Variants in MGAT5 observed in about 807,000 individuals in gnomAD.
MGAT5 encodes alpha-1,6-mannosylglycoprotein 6-beta-N-acetylglucosaminyltransferase A.
Under a neutral mutation model 94.3 loss-of-function variants are expected in MGAT5, and 30 were observed. The observed-to-expected ratio is 0.32, with a 90% CI of 0.24 to 0.43. MGAT5 has a LOEUF of 0.43. MGAT5 is among the 20% of genes least tolerant of loss of function. The probability of loss-of-function intolerance (pLI) is 1.00; values close to 1 mark genes in which losing one functional copy is unlikely to be tolerated. For missense variants in MGAT5, 691 were observed against 905.5 expected, an observed-to-expected ratio of 0.76 and a Z score of 3.04; for synonymous variants, 310 against 322.9, an observed-to-expected ratio of 0.96 and a Z score of 0.43.
chr2:134,154,522 A>G (rs570214430), intron 1 of MGAT5, among the ~76,000 whole-genome samples: 1 of 152,346 alleles, frequency 6.6e-6, no homozygotes, highest in East Asian at 1.9e-4. Context: ...CCGCCCGTCC[A>G]GGTGTCCCCA....
chr2:134,451,385 A>T lies in MGAT5; in HGVS notation c.*2538A>T, dbSNP rs1209075246. ...AGCTGCTCTTGGAGCAAACAAGCCC[A>T]CACTCCAGTTGTTTAGGGCATTATC... On this transcript the variant is annotated 3_prime_UTR_variant, in exon 16 of 16. Transcript: ENST00000281923. 6.6e-6 allele frequency: 1 copy of T among 152,282 alleles called. No individual in the cohort carries two copies. Among genetic ancestry groups the T allele is most frequent in the East Asian group, 1.9e-4 (1 of 5,194 alleles). The allele number at this position is 152,282 out of a possible 1,614,324, so 9.4% of individuals were successfully genotyped here.
At chr2:134,365,794 T>TATC (rs1440700116) in intron 10 of MGAT5, among the ~76,000 whole-genome samples, 2 of 152,130 alleles carry the variant, frequency 1.3e-5, no homozygotes, top group African/African-American at 4.8e-5. Context: ...CCTATAGTCA[T>TATC]ATCAACATAC....
chr2:134,234,821 C>G (rs2105412588), intron 1 of MGAT5, among the ~76,000 whole-genome samples: 1 of 152,330 alleles, frequency 6.6e-6, no homozygotes, highest in East Asian at 1.9e-4. Context: ...GATAAAGTAA[C>G]AGACACCTGT....
intron 14 of MGAT5, among the ~76,000 whole-genome samples, chr2:134,432,259 C>T (rs956176691): frequency 1.3e-5 from 2 of 152,298 alleles, no homozygotes; most frequent in East Asian, 1.9e-4. Flanking sequence ...TGTAAAGACA[C>T]TGTAAATATA....
chr2:134,387,303 T>G (rs1282863062), intron 10 of MGAT5, among the ~76,000 whole-genome samples: 8 of 23,186 alleles, frequency 3.5e-4, no homozygotes, highest in African/African-American at 9.1e-4. Context: ...TTATGTATGA[T>G]ATATATATAT....
At chr2:134,125,560 G>C (rs1413585633) in intron 1 of MGAT5, among the ~76,000 whole-genome samples, 2 of 152,238 alleles carry the variant, frequency 1.3e-5, no homozygotes, top group African/African-American at 2.4e-5. Context: ...GCAGGCAGCA[G>C]TGGCAAAGCT....
chr2:134,259,877 A>G (rs1220657817), intron 1 of MGAT5, among the ~76,000 whole-genome samples: 1 of 152,196 alleles, frequency 6.6e-6, no homozygotes, highest in Non-Finnish European at 1.5e-5. Context: ...TAAGCAAGAG[A>G]AAGTCAGATA....
At chr2:134,176,572 T>TTAAA (rs764769403) in intron 1 of MGAT5, among the ~76,000 whole-genome samples, 206 of 83,316 alleles carry the variant, frequency 2.5e-3, no homozygotes, top group African/African-American at 0.01. Flanking sequence ...GACTCTGTCT[T>TTAAA]AAAAAAAAAA....
At chr2:134,321,160 C>T (rs188991685) in intron 4 of MGAT5, among the ~76,000 whole-genome samples, 41 of 152,266 alleles carry the variant, frequency 2.7e-4, no homozygotes, top group African/African-American at 8.2e-4. Context: ...TGGGGCCATG[C>T]GTGAACCTTC....
rs1325854243 is a variant in MGAT5, at chr2:134,453,884, T to A, written c.*5037T>A. The A allele has an allele frequency of 6.6e-6, 1 of 152,170 alleles. No individual in the cohort carries two copies. Among genetic ancestry groups the A allele is most frequent in the Non-Finnish European group, 1.5e-5 (1 of 68,038 alleles). The allele number at this position is 152,170 out of a possible 1,614,324, so 9.4% of individuals were successfully genotyped here. A position where few individuals can be genotyped will look rare whatever the true frequency, so the allele number is the denominator to read the frequency against. ...TTTAGCCTCTTACTTCCCTGATGGATTCAAAGTTTTATCTATCTCCTTATC... is the reference window on the plus strand; with the variant it reads ...TTTAGCCTCTTACTTCCCTGATGGAATCAAAGTTTTATCTATCTCCTTATC... On this transcript the variant is annotated 3_prime_UTR_variant, in exon 16 of 16. Coordinates refer to ENST00000281923, the MANE Select transcript of MGAT5 (RefSeq NM_002410.5).
intron 1 of MGAT5, among the ~76,000 whole-genome samples, chr2:134,159,188 C>CGTTT (rs1687614419): frequency 6.9e-6 from 1 of 144,010 alleles, no homozygotes; most frequent in African/African-American, 2.6e-5. Context: ...GGTCTAAATT[C>CGTTT]GTGTGTGTGT....
At chr2:134,224,059 A>G (rs181864809) in intron 1 of MGAT5, among the ~76,000 whole-genome samples, 105 of 152,358 alleles carry the variant, frequency 6.9e-4, no homozygotes, top group African/African-American at 2.4e-3. Flanking sequence ...GCAGCTTTTA[A>G]AACAAGATGT....
At chr2:134,205,777 G>A (rs1168469423) in intron 1 of MGAT5, among the ~76,000 whole-genome samples, 1 of 152,150 alleles carries the variant, frequency 6.6e-6, no homozygotes, top group Non-Finnish European at 1.5e-5. Context: ...AGAGATTTGA[G>A]GACAGAGCCC....
chr2:134,296,505 CT>C (rs890937002), intron 2 of MGAT5, among the ~76,000 whole-genome samples: 5 of 151,894 alleles, frequency 3.3e-5, no homozygotes, highest in African/African-American at 7.3e-5. Context: ...TTTGCTTCCT[CT>C]TTTTTTCCCC....
chr2:134,322,068 G>A (rs565413316), intron 4 of MGAT5, among the ~76,000 whole-genome samples: 6 of 152,208 alleles, frequency 3.9e-5, no homozygotes, highest in African/African-American at 1.4e-4. Context: ...AGCTCTATGA[G>A]GTCACTTAAC....
chr2:134,348,374 C>A (rs1689042212), intron 8 of MGAT5, among the ~76,000 whole-genome samples: 1 of 152,192 alleles, frequency 6.6e-6, no homozygotes, highest in South Asian at 2.1e-4. Context: ...AGGGAAATTC[C>A]TCCTGTAGTT....
intron 1 of MGAT5, among the ~76,000 whole-genome samples, chr2:134,180,908 A>C (rs1246427931): frequency 1.3e-5 from 2 of 152,240 alleles, no homozygotes; most frequent in Non-Finnish European, 2.9e-5. Context: ...CATTTTTGAA[A>C]GAAAACAAAG....
chr2:134,220,617 C>G (rs567016774), intron 1 of MGAT5, among the ~76,000 whole-genome samples: 8 of 152,332 alleles, frequency 5.3e-5, no homozygotes, highest in African/African-American at 1.9e-4. Flanking sequence ...TCAGATTACA[C>G]TGGGTTAGAT....
chr2:134,345,740 GTT>G (rs1164170682), intron 8 of MGAT5, among the ~76,000 whole-genome samples: 1 of 152,132 alleles, frequency 6.6e-6, no homozygotes, highest in East Asian at 1.9e-4. Flanking sequence ...AAAAGGTGTA[GTT>G]TGATGCTACT....
Sources: allele counts gnomAD v4.1 joint callset (sites outside exome capture counted in the v4.1 genomes callset), GRCh38; gene constraint gnomAD v4.1.1; transcripts MANE v1.5; gene names NCBI Gene and HGNC (gene_info 2026-07-23, HGNC 2026-07-21).